The following CAMKMT variants were observed in gnomAD, a reference collection of about 807,000 sequenced individuals.
CAMKMT encodes the protein CaM KMT.
Under a neutral mutation model 48.0 loss-of-function variants are expected in CAMKMT, and 53 were observed. The observed-to-expected ratio is 1.10, with a 90% CI of 0.89 to 1.39. The LOEUF is 1.39. CAMKMT is among the 40% of genes most tolerant of loss of function. The pLI, the probability that CAMKMT is intolerant of heterozygous loss-of-function variation, is 0.00. For missense variants in CAMKMT, 428 were observed against 402.7 expected, an observed-to-expected ratio of 1.06 and a Z score of -0.54; for synonymous variants, 165 against 152.3, an observed-to-expected ratio of 1.08 and a Z score of -0.61.
At chr2:44,611,425 C>T (rs1449447672) in intron 3 of CAMKMT, among the ~76,000 whole-genome samples, 1 of 150,368 alleles carries the variant, frequency 6.7e-6, no homozygotes, top group Non-Finnish European at 1.5e-5. Context: ...AAGAGCAAGA[C>T]TTTGTCCCCA....
rs182909265 is a variant in CAMKMT at position 44,385,323 on chromosome 2, A to C, written c.312-4918A>C. Among the ~76,000 whole-genome samples the C allele has an allele frequency of 3.3e-5, 5 of 152,236 alleles. No homozygotes were observed. The East Asian group carries it at 5.8e-4, about 18-fold the overall frequency. On this transcript the variant is annotated intron_variant, in intron 2 of 10. Coordinates refer to ENST00000378494, the MANE Select transcript of CAMKMT (RefSeq NM_024766.5). ...ATAGAAAAACTATTGATTTGTGTAC[A>C]TTAACCTTGTATTTGGAAATTTTGC...
intron 9 of CAMKMT, among the ~76,000 whole-genome samples, chr2:44,757,698 G>A (rs1162851757): frequency 6.6e-6 from 1 of 151,888 alleles, no homozygotes; most frequent in African/African-American, 2.4e-5. Context: ...TGAGTAGCTG[G>A]GATTACAGAC....
chr2:44,380,302 G>C (rs543805902), intron 2 of CAMKMT, among the ~76,000 whole-genome samples: 1 of 152,184 alleles, frequency 6.6e-6, no homozygotes, highest in Non-Finnish European at 1.5e-5. Context: ...ATAAAGCTTT[G>C]AAGTTTAGGA....
chr2:44,696,067 C>T (rs754707489), intron 3 of CAMKMT, among the ~76,000 whole-genome samples: 5 of 151,974 alleles, frequency 3.3e-5, no homozygotes, highest in African/African-American at 7.3e-5. Flanking sequence ...CTCAGCCTCC[C>T]GAATAACTGG....
chr2:44,473,937 AC>A (rs1240315706), intron 3 of CAMKMT, among the ~76,000 whole-genome samples: 6 of 152,184 alleles, frequency 3.9e-5, no homozygotes, highest in Non-Finnish European at 4.4e-5. Context: ...TTTAGAGATT[AC>A]CCATGAGGCA....
intron 8 of CAMKMT, among the ~76,000 whole-genome samples, chr2:44,750,271 C>G (rs1485698647): frequency 6.6e-6 from 1 of 152,148 alleles, no homozygotes; most frequent in Non-Finnish European, 1.5e-5. Flanking sequence ...ACCCTCCTGC[C>G]TCAGCCTCCC....
intron 3 of CAMKMT, among the ~76,000 whole-genome samples, chr2:44,490,684 G>A (rs1316177236): frequency 6.6e-6 from 1 of 152,064 alleles, no homozygotes; most frequent in African/African-American, 2.4e-5. Flanking sequence ...AACTTATGTT[G>A]TGAGAGCAGT....
At chr2:44,362,965 CT>C (rs1678107392) in intron 1 of CAMKMT, among the ~76,000 whole-genome samples, 2 of 152,184 alleles carry the variant, frequency 1.3e-5, no homozygotes, top group African/African-American at 4.8e-5. Flanking sequence ...CTGCCGAAAA[CT>C]TTACTCAGGA....
At chr2:44,664,410 T>C (rs1487682969) in intron 3 of CAMKMT, among the ~76,000 whole-genome samples, 1 of 152,228 alleles carries the variant, frequency 6.6e-6, no homozygotes, top group East Asian at 1.9e-4. Flanking sequence ...CTCCTCTATG[T>C]GGAATCCTAT....
Position 44,657,290 on chromosome 2 carries a change from G to A in CAMKMT, c.377-46993G>A, listed in dbSNP as rs749675534. On this transcript the variant is annotated intron_variant, in intron 3 of 10. Coordinates refer to ENST00000378494, the MANE Select transcript of CAMKMT (RefSeq NM_024766.5). The surrounding 1 kb of genome is among the most constrained non-coding windows in gnomAD (Gnocchi z 4.3). Reference sequence around the variant, plus strand: ...AGAACTAAAGAAATGCCAGAAGAGTGTTGCACAAGTTAATTGATTTTCAGT... The same window carrying A: ...AGAACTAAAGAAATGCCAGAAGAGTATTGCACAAGTTAATTGATTTTCAGT... Among the ~76,000 whole-genome samples the A allele has an allele frequency of 2.0e-5, 3 of 152,202 alleles. No individual in the cohort carries two copies. Among genetic ancestry groups the A allele is most frequent in the Non-Finnish European group, 4.4e-5 (3 of 68,032 alleles).
chr2:44,362,874 C>G (rs1678088152), intron 1 of CAMKMT, among the ~76,000 whole-genome samples: 1 of 152,188 alleles, frequency 6.6e-6, no homozygotes, highest in African/African-American at 2.4e-5. Context: ...TTTATGATCA[C>G]TCACATTCTT....
At chr2:44,387,023 G>T (rs1309369468) in intron 2 of CAMKMT, among the ~76,000 whole-genome samples, 1 of 152,130 alleles carries the variant, frequency 6.6e-6, no homozygotes, top group Non-Finnish European at 1.5e-5. Context: ...GTATGTATCT[G>T]TTAAGTCCAT....
chr2:44,683,659 A>C (rs1424407152), intron 3 of CAMKMT, among the ~76,000 whole-genome samples: 1 of 151,872 alleles, frequency 6.6e-6, no homozygotes, highest in Non-Finnish European at 1.5e-5. Context: ...TCTCTACTAA[A>C]AAAATACAAA....
At chr2:44,383,515 G>T (rs1022787745) in intron 2 of CAMKMT, among the ~76,000 whole-genome samples, 1 of 152,100 alleles carries the variant, frequency 6.6e-6, no homozygotes, top group East Asian at 1.9e-4. Flanking sequence ...AGTTATTGGG[G>T]TATAGGTGGT....
At chr2:44,493,189 C>G (rs1669596667) in intron 3 of CAMKMT, among the ~76,000 whole-genome samples, 1 of 152,100 alleles carries the variant, frequency 6.6e-6, no homozygotes, top group South Asian at 2.1e-4. Flanking sequence ...GCCACTGCAC[C>G]TGGCCTTAAT....
At chr2:44,614,771 C>A (rs1258419654) in intron 3 of CAMKMT, among the ~76,000 whole-genome samples, 1 of 151,874 alleles carries the variant, frequency 6.6e-6, no homozygotes, top group Non-Finnish European at 1.5e-5. Flanking sequence ...ATGTTCCAAG[C>A]AGAAAGCTGT....
intron 9 of CAMKMT, among the ~76,000 whole-genome samples, chr2:44,754,619 G>A (rs1680289585): frequency 6.6e-6 from 1 of 152,086 alleles, no homozygotes; most frequent in East Asian, 1.9e-4. Flanking sequence ...TTAAAAGGAA[G>A]TCATTATTTA....
chr2:44,413,792 A>G (rs1280317269), intron 3 of CAMKMT, among the ~76,000 whole-genome samples: 2 of 152,220 alleles, frequency 1.3e-5, no homozygotes, highest in Non-Finnish European at 2.9e-5. Context: ...CAAAATGAAG[A>G]TGATGCTTTA....
intron 3 of CAMKMT, among the ~76,000 whole-genome samples, chr2:44,438,858 C>T (rs1404627604): frequency 2.0e-5 from 3 of 152,064 alleles, no homozygotes; most frequent in Admixed American, 6.6e-5. Context: ...CTTCAACTCA[C>T]CCTTGCATAG....
Sources: allele counts gnomAD v4.1 joint callset (sites outside exome capture counted in the v4.1 genomes callset), GRCh38; gene constraint gnomAD v4.1.1; non-coding constraint Gnocchi (gnomAD v3.1); transcripts MANE v1.5; gene names NCBI Gene and HGNC (gene_info 2026-07-23, HGNC 2026-07-21).